Variants in RYR2 observed in about 807,000 individuals in gnomAD.
RYR2 encodes cardiac muscle ryanodine receptor-calcium release channel.
In RYR2, 227 loss-of-function variants were observed where a neutral mutation model predicts 601.1. The observed-to-expected ratio is 0.38, with a 90% confidence interval of 0.34 to 0.42. The LOEUF is 0.42. Ranked by LOEUF, RYR2 falls within the 10% of genes least tolerant of loss-of-function variation. The pLI is 1.00. For synonymous variants in RYR2, 2,223 were observed against 2,175.1 expected (o/e 1.02, Z -0.61); for missense variants, 4,646 against 6,156.5 (o/e 0.75, Z 8.21).
chr1:237,615,531 C>G (rs1360843539), intron 37 of RYR2, among the ~76,000 whole-genome samples: 1 of 152,112 alleles, frequency 6.6e-6, no homozygotes, highest in Non-Finnish European at 1.5e-5. Flanking sequence ...CACTGGCTGT[C>G]TTTATGCTCC....
intron 80 of RYR2, among the ~76,000 whole-genome samples, chr1:237,742,958 A>G (rs12739690): frequency 0.033 from 5,004 of 152,280 alleles, 91 homozygotes; most frequent in East Asian, 0.057. Context: ...GCCCAAAGGA[A>G]AGTTAATAGT....
intron 3 of RYR2, chr1:237,333,676 G>C (rs1696970103): frequency 2.2e-6 from 1 of 455,748 alleles, no homozygotes; most frequent in South Asian, 1.5e-5. Flanking sequence ...TAGGAACCAA[G>C]TCTTCTGAAC....
chr1:237,719,854 G>A (rs368666604), intron 73 of RYR2, among the ~76,000 whole-genome samples: 19 of 151,924 alleles, frequency 1.3e-4, no homozygotes, highest in Middle Eastern at 6.8e-3. Flanking sequence ...ACCAGGTCCC[G>A]TCTCCAACAC....
In RYR2 at chr1:237,833,234, CT is replaced by C. The variant is rs1664005206; in HGVS notation, c.*591del. ...TGAGGTTTTTTTTTTTTCCTTTAGT[CT>C]TTTCTTTAGTGGGGGAGGGTAAGAA... is the stretch of plus-strand genomic sequence containing the variant. On this transcript the variant is annotated 3_prime_UTR_variant, in exon 105 of 105. Coordinates refer to ENST00000366574, the MANE Select transcript of RYR2 (RefSeq NM_001035.3). 7.7e-6 allele frequency: 1 copy of C among 129,544 alleles called. No individual in the cohort carries two copies. Among genetic ancestry groups the C allele is most frequent in the Admixed American group, 8.0e-5 (1 of 12,532 alleles). The allele number at this position is 129,544 out of a possible 1,614,324, so 8.0% of individuals were successfully genotyped here. A position where few individuals can be genotyped will look rare whatever the true frequency, so the allele number is the denominator to read the frequency against.
At chr1:237,748,128 C>T (rs1157218528) in intron 80 of RYR2, among the ~76,000 whole-genome samples, 1 of 151,992 alleles carries the variant, frequency 6.6e-6, no homozygotes, top group African/African-American at 2.4e-5. Flanking sequence ...GTGTTAAAAT[C>T]CCAGGGAATG....
At chr1:237,482,605 G>C (rs1572529215) in intron 17 of RYR2, among the ~76,000 whole-genome samples, 1 of 152,236 alleles carries the variant, frequency 6.6e-6, no homozygotes, top group East Asian at 1.9e-4. Flanking sequence ...TTCATCTGCA[G>C]ACGGACATTT....
rs201572162 is a variant in RYR2, at chr1:237,182,107, A to ATTTG, written c.49-88387_49-88386insGTTT. ...TGTGAGATGAAACTCCCTGGGGTTT[A>ATTTG]TTTATTTATTTATTTATTTATTTAT... is the stretch of plus-strand genomic sequence containing the variant. On this transcript the variant is annotated intron_variant, in intron 1 of 104. Coordinates refer to ENST00000366574, the MANE Select transcript of RYR2 (RefSeq NM_001035.3). Among the ~76,000 whole-genome samples, 133 of 30,750 alleles carry ATTTG rather than the reference A, an allele frequency of 4.3e-3. 2 individuals are homozygous for ATTTG. In the East Asian group the frequency reaches 0.19, roughly 45 times the overall value. The allele number at this position is 30,750 out of a possible 152,430, so 20.2% of individuals were successfully genotyped here. A position where few individuals can be genotyped will look rare whatever the true frequency, so the allele number is the denominator to read the frequency against.
chr1:237,731,918 A>ACACACC lies in RYR2; in HGVS notation c.10936-127_10936-126insACACCC, dbSNP rs753519564. On this transcript the variant is annotated intron_variant, in intron 77 of 104. Transcript: ENST00000366574. ...CACACACACACACACACACACACAC[A>ACACACC]CCCCACAACAGGGAAGGAGGAACGT... 1.2e-3 allele frequency: 731 copies of ACACACC among 607,244 alleles called. 6 individuals carry two copies. The African/African-American group carries it at 0.012, about 10-fold the overall frequency. The allele number at this position is 607,244 out of a possible 1,614,324, so 37.6% of individuals were successfully genotyped here.
At chr1:237,111,544 T>G (rs1212297818) in intron 1 of RYR2, among the ~76,000 whole-genome samples, 1 of 143,002 alleles carries the variant, frequency 7.0e-6, no homozygotes, top group Non-Finnish European at 1.5e-5. Context: ...GCTGAGGTCG[T>G]GCCGCTGCAC....
chr1:237,123,992 C>T (rs1024511862), intron 1 of RYR2, among the ~76,000 whole-genome samples: 1 of 152,196 alleles, frequency 6.6e-6, no homozygotes, highest in Admixed American at 6.5e-5. Context: ...CTATAGCTGT[C>T]TCTTTTCTTC....
chr1:237,169,550 A>C (rs888717460), intron 1 of RYR2, among the ~76,000 whole-genome samples: 1 of 151,594 alleles, frequency 6.6e-6, no homozygotes, highest in Non-Finnish European at 1.5e-5. Flanking sequence ...CATCACCTCG[A>C]CCTCCCAAAG....
intron 14 of RYR2, among the ~76,000 whole-genome samples, chr1:237,446,852 G>A (rs1286039764): frequency 6.6e-6 from 1 of 151,974 alleles, no homozygotes; most frequent in African/African-American, 2.4e-5. Context: ...TTGTATTCTT[G>A]TAGTTTAATA....
At chr1:237,832,226 T>TA (rs370515687) in intron 104 of RYR2, among the ~76,000 whole-genome samples, 7,448 of 149,832 alleles carry the variant, frequency 0.05, 273 homozygotes, top group African/African-American at 0.1. Context: ...TTTTTTTTTT[T>TA]AATTTTAGTA....
At chr1:237,572,623 T>G (rs1672818428) in intron 29 of RYR2, among the ~76,000 whole-genome samples, 3 of 152,218 alleles carry the variant, frequency 2.0e-5, no homozygotes, top group Non-Finnish European at 2.9e-5. Flanking sequence ...AGGATTTTGA[T>G]GAATTGTCTG....
chr1:237,545,263 C>T (rs998491214), intron 25 of RYR2, among the ~76,000 whole-genome samples: 9 of 152,336 alleles, frequency 5.9e-5, no homozygotes, highest in Admixed American at 6.5e-5. Flanking sequence ...TATCCAGCTT[C>T]GCACATTAGC....
At chr1:237,420,061 G>GT (rs1206353669) in intron 11 of RYR2, among the ~76,000 whole-genome samples, 4 of 152,062 alleles carry the variant, frequency 2.6e-5, no homozygotes, top group African/African-American at 9.7e-5. Flanking sequence ...ATTTGTTGTA[G>GT]TTGATGTGGC....
In RYR2 at chr1:237,566,740, T is replaced by G; in HGVS notation, c.3388T>G (p.Ser1130Ala). The change falls in exon 28 of 105, where the codon TCA (serine) becomes GCA (alanine). Residue 1130 changes from serine (S) to alanine (A), a missense_variant. Physicochemically the swap from Ser to Ala is moderately conservative, Grantham distance 99 (BLOSUM62 1). Coordinates refer to ENST00000366574, the MANE Select transcript of RYR2 (RefSeq NM_001035.3). ...PGCQPDQELG[S>A]DERAFAFDGF... ...TTGTCAACCGGATCAGGAGCTTGGC[T>G]CAGATGAACGTGCCTTTGCCTTTGA... is the stretch of plus-strand genomic sequence containing the variant. 1.2e-6 allele frequency: 2 copies of G among 1,613,972 alleles called. No individual in the cohort carries two copies. Among genetic ancestry groups the G allele is most frequent in the Non-Finnish European group, 1.7e-6 (2 of 1,179,866 alleles).
At chr1:237,499,666 G>A (rs747311284) in intron 20 of RYR2, among the ~76,000 whole-genome samples, 1 of 110,284 alleles carries the variant, frequency 9.1e-6, no homozygotes, top group Non-Finnish European at 2.1e-5. Context: ...AAAATAGAAA[G>A]TGTCCACATT....
chr1:237,753,684 A>T (rs1692715279), intron 80 of RYR2, among the ~76,000 whole-genome samples: 1 of 152,164 alleles, frequency 6.6e-6, no homozygotes, highest in Admixed American at 6.6e-5. Context: ...CCTTGAAATA[A>T]CACAAAGACT....
Sources: allele counts gnomAD v4.1 joint callset (sites outside exome capture counted in the v4.1 genomes callset), GRCh38; gene constraint gnomAD v4.1.1; transcripts MANE v1.5; gene names NCBI Gene and HGNC (gene_info 2026-07-23, HGNC 2026-07-21).